The following SAP25 variants were observed in gnomAD, a reference collection of about 807,000 sequenced individuals.
SAP25 encodes the protein Sin3A associated protein 25, also known as histone deacetylase complex subunit SAP25.
A neutral mutation model predicts 31.5 loss-of-function variants in SAP25; 24 were observed. That is an observed-to-expected ratio of 0.76 (90% CI 0.55 to 1.07). The LOEUF (loss-of-function observed/expected upper bound fraction) is 1.07, where lower values mean the gene tolerates loss of function less well. Ranked by LOEUF, SAP25 falls within the 50% of genes least tolerant of loss-of-function variation. The probability of loss-of-function intolerance (pLI) is 0.00; values close to 1 mark genes in which losing one functional copy is unlikely to be tolerated. For missense variants in SAP25, 377 were observed against 418.8 expected (o/e 0.90, Z 0.87); for synonymous variants, 180 against 186.0 (o/e 0.97, Z 0.26).
Position 100,572,765 on chromosome 7 carries a change from C to G in SAP25, c.512-14G>C. 3 of 1,526,158 alleles carry G rather than the reference C, an allele frequency of 2.0e-6. No homozygotes were observed. Among genetic ancestry groups the G allele is most frequent in the Non-Finnish European group, 2.6e-6 (3 of 1,143,270 alleles). 94.5% of individuals were successfully genotyped at this position (1,526,158 alleles called of 1,614,324 possible). ...CCACCGGGAACCCTAGGAGGAAACA[C>G]CACTAGGGTGGCGGGCTGCGGGCTC... On this transcript the variant is annotated splice_polypyrimidine_tract_variant and intron_variant, in intron 4 of 5. Transcript: ENST00000622764. The surrounding 1 kb of genome is among the most constrained non-coding windows in gnomAD (Gnocchi z 4.1).
chr7:100,573,507 G>A (rs1562801781), intron 1 of SAP25, 90 bp downstream of exon 1: 8 of 1,216,862 alleles, frequency 6.6e-6, no homozygotes, highest in Non-Finnish European at 7.2e-6. Flanking sequence ...ATCTCCAGCA[G>A]GGACAATGGA....
intron 2 of SAP25, 24 bp from the exon 3 acceptor site, chr7:100,573,236 A>C: frequency 6.8e-7 from 1 of 1,462,410 alleles, no homozygotes; most frequent in Middle Eastern, 2.0e-4. Flanking sequence ...TGGGGATTAT[A>C]ACAGGCTCAC....
chr7:100,572,536 G>T lies in SAP25; in HGVS notation c.645C>A (p.Pro215=). Reference sequence around the variant, plus strand: ...GGGGGAGCACCCTGGCAGACATGATGGGGGGCGGCGGCAGCAGTTTCAGGG... The same window carrying T: ...GGGGGAGCACCCTGGCAGACATGATTGGGGGCGGCGGCAGCAGTTTCAGGG... ...MGSLKLLPPP[P]IMSARVLPRP... is the part of the protein sequence containing the mutation. Residue 215 remains proline (P), a synonymous_variant, in exon 6 of 6, where the codon CCC becomes CCA. Coordinates refer to ENST00000622764, the MANE Select transcript of SAP25 (RefSeq NM_001348680.2). The surrounding 1 kb of genome is among the most constrained non-coding windows in gnomAD (Gnocchi z 4.1). 9 of 1,438,786 alleles carry T rather than the reference G, an allele frequency of 6.3e-6. No individual in the cohort carries two copies. Among genetic ancestry groups the T allele is most frequent in the Non-Finnish European group, 8.2e-6 (9 of 1,099,800 alleles). 89.1% of individuals were successfully genotyped at this position (1,438,786 alleles called of 1,614,324 possible). A position where few individuals can be genotyped will look rare whatever the true frequency, so the allele number is the denominator to read the frequency against.
Position 100,572,740 on chromosome 7 carries a change from C to T in SAP25, c.523G>A (p.Val175Met), listed in dbSNP as rs777260933. 6.5e-7 allele frequency: 1 copy of T among 1,533,824 alleles called. No homozygotes were observed. The highest frequency in any genetic ancestry group is 8.7e-7 in the Non-Finnish European group (1 of 1,145,774). ...GAGAGGAAGACATCTTCACAGCACA[C>T]CACCGGGAACCCTAGGAGGAAACAC... ...QAPPDAGFPV[V>M]CCEDVFLSDP... The change falls in exon 5 of 6, where the codon GTG becomes ATG. Residue 175 changes from valine (V) to methionine (M), a missense_variant. Physicochemically the swap from Val to Met is conservative, Grantham distance 21. Coordinates refer to ENST00000622764, the MANE Select transcript of SAP25 (RefSeq NM_001348680.2). The surrounding 1 kb of genome is among the most constrained non-coding windows in gnomAD (Gnocchi z 4.1).
chr7:100,573,827 A>C lies in SAP25; in HGVS notation c.-85T>G, dbSNP rs1801236062. The C allele has an allele frequency of 9.1e-7, 1 of 1,104,420 alleles. No homozygotes were observed. The highest frequency in any genetic ancestry group is 1.1e-6 in the Non-Finnish European group (1 of 896,668). The allele number at this position is 1,104,420 out of a possible 1,614,324, so 68.4% of individuals were successfully genotyped here. A position where few individuals can be genotyped will look rare whatever the true frequency, so the allele number is the denominator to read the frequency against. ...CAGCCTCCCTCCGCGGCGCGGCGCG[A>C]ACGTGCCCTCCTGGCGAACCCACCC... On this transcript the variant is annotated 5_prime_UTR_variant, in exon 1 of 6. Coordinates refer to ENST00000622764, the MANE Select transcript of SAP25 (RefSeq NM_001348680.2).
In SAP25 at chr7:100,572,570, A is replaced by T; in HGVS notation, c.611T>A (p.Met204Lys). The change falls in exon 6 of 6, where the codon ATG becomes AAG. Residue 204 changes from methionine to lysine, a missense_variant and splice_region_variant. Transcript: ENST00000622764. The surrounding 1 kb of genome is among the most constrained non-coding windows in gnomAD (Gnocchi z 4.1). ...PLYLSKAPQQMMGSLKLLPPP... is the reference protein window; with the variant it reads ...PLYLSKAPQQKMGSLKLLPPP... The stretch of plus-strand genomic sequence containing the variant: ...CGGCAGCAGTTTCAGGGAGCCCATC[A>T]TCTGAGGAGAGAGAATGGAATGTGT... 1 of 1,457,414 alleles carries T rather than the reference A, an allele frequency of 6.9e-7. No homozygotes were observed. The highest frequency in any genetic ancestry group is 9.0e-7 in the Non-Finnish European group (1 of 1,108,558). The allele number at this position is 1,457,414 out of a possible 1,614,324, so 90.3% of individuals were successfully genotyped here. A position where few individuals can be genotyped will look rare whatever the true frequency, so the allele number is the denominator to read the frequency against.
rs148046169 is a variant in SAP25, at chr7:100,573,821, G to A, written c.-79C>T. 8.7e-5 allele frequency: 97 copies of A among 1,120,362 alleles called. No homozygotes were observed. Among genetic ancestry groups the A allele is most frequent in the Admixed American group, 1.4e-4 (3 of 20,698 alleles). 69.4% of individuals were successfully genotyped at this position (1,120,362 alleles called of 1,614,324 possible). A position where few individuals can be genotyped will look rare whatever the true frequency, so the allele number is the denominator to read the frequency against. On this transcript the variant is annotated 5_prime_UTR_variant, in exon 1 of 6. Transcript: ENST00000622764. Reference sequence around the variant, plus strand: ...CCCTCTCAGCCTCCCTCCGCGGCGCGGCGCGAACGTGCCCTCCTGGCGAAC... The same window carrying A: ...CCCTCTCAGCCTCCCTCCGCGGCGCAGCGCGAACGTGCCCTCCTGGCGAAC...
At position 100,573,280 on chromosome 7, in the gene SAP25, A is replaced by G. The variant is rs888271105; in HGVS notation, c.250+17T>C. Reference sequence around the variant, plus strand: ...AGAGGCTCTTAGGGGTAGTAGAGGCAGCAGGGCCTGTCCTACCTGGGGCTC... The same window carrying G: ...AGAGGCTCTTAGGGGTAGTAGAGGCGGCAGGGCCTGTCCTACCTGGGGCTC... On this transcript the variant is annotated intron_variant, in intron 2 of 5. Transcript: ENST00000622764. 4 of 1,417,682 alleles carry G rather than the reference A, an allele frequency of 2.8e-6. No homozygotes were observed. In the African/African-American group the frequency reaches 5.8e-5, roughly 20 times the overall value. 87.8% of individuals were successfully genotyped at this position (1,417,682 alleles called of 1,614,324 possible). A position where few individuals can be genotyped will look rare whatever the true frequency, so the allele number is the denominator to read the frequency against.
Position 100,573,010 on chromosome 7 carries a change from C to T in SAP25, c.361G>A (p.Ala121Thr), listed in dbSNP as rs1257001911. Reference protein sequence around the residue: ...AKAGPRPVWGANCSSGASFSG... With the variant: ...AKAGPRPVWGTNCSSGASFSG... ...AACGAGGCTCCTGAGCTACAGTTGG[C>T]CCCCTAGGGTGAGGAGGACAGAGCA... The change falls in exon 4 of 6, where the codon GCC becomes ACC. Residue 121 changes from alanine to threonine, a missense_variant. By Grantham distance (58) the Ala-to-Thr change is moderately conservative. Coordinates refer to ENST00000622764, the MANE Select transcript of SAP25 (RefSeq NM_001348680.2). The T allele has an allele frequency of 4.0e-6, 6 of 1,484,528 alleles. No homozygotes were observed. The highest frequency in any genetic ancestry group is 1.3e-5 in the South Asian group (1 of 77,004). The allele number at this position is 1,484,528 out of a possible 1,614,324, so 92.0% of individuals were successfully genotyped here.
Position 100,573,374 on chromosome 7 carries a change from G to GA in SAP25, c.172dup (p.Ser58PhefsTer20). 7.3e-7 allele frequency: 1 copy of GA among 1,373,658 alleles called. No individual in the cohort carries two copies. Among genetic ancestry groups the GA allele is most frequent in the South Asian group, 1.8e-5 (1 of 55,322 alleles). 85.1% of individuals were successfully genotyped at this position (1,373,658 alleles called of 1,614,324 possible). A position where few individuals can be genotyped will look rare whatever the true frequency, so the allele number is the denominator to read the frequency against. On this transcript the variant is annotated frameshift_variant, in exon 2 of 6. Coordinates refer to ENST00000622764, the MANE Select transcript of SAP25 (RefSeq NM_001348680.2). LOFTEE classifies it high-confidence loss of function. Reference sequence around the variant, plus strand: ...CAGCAGCTGCTCTCTCCAGATCCAGGAAGGGCTACGGGATGGGGGCTGTGG... The same window carrying GA: ...CAGCAGCTGCTCTCTCCAGATCCAGGAAAGGGCTACGGGATGGGGGCTGTGG...
Position 100,572,539 on chromosome 7 carries a change from G to A in SAP25, c.642C>T (p.Pro214=). 6.9e-7 allele frequency: 1 copy of A among 1,439,744 alleles called. No individual in the cohort carries two copies. The highest frequency in any genetic ancestry group is 9.1e-7 in the Non-Finnish European group (1 of 1,100,490). The allele number at this position is 1,439,744 out of a possible 1,614,324, so 89.2% of individuals were successfully genotyped here. A position where few individuals can be genotyped will look rare whatever the true frequency, so the allele number is the denominator to read the frequency against. ...GGAGCACCCTGGCAGACATGATGGG[G>A]GGCGGCGGCAGCAGTTTCAGGGAGC... ...MMGSLKLLPP[P]PIMSARVLPR... Residue 214 remains proline, a synonymous_variant, in exon 6 of 6, where the codon CCC becomes CCT. Coordinates refer to ENST00000622764, the MANE Select transcript of SAP25 (RefSeq NM_001348680.2). The surrounding 1 kb of genome is among the most constrained non-coding windows in gnomAD (Gnocchi z 4.1).
In SAP25 at chr7:100,572,918, G is replaced by C. The variant is rs1435004171; in HGVS notation, c.453C>G (p.Leu151=). The C allele has an allele frequency of 2.7e-6, 4 of 1,485,912 alleles. No individual in the cohort carries two copies. The highest frequency in any genetic ancestry group is 3.6e-6 in the Non-Finnish European group (4 of 1,121,250). 92.0% of individuals were successfully genotyped at this position (1,485,912 alleles called of 1,614,324 possible). ...GCCCTGTGGCAGGGGCCACGGGCCT[G>C]AGACCCCTGCCCGAGGCTGCTTCAT... is the stretch of plus-strand genomic sequence containing the variant. ...PLYEAASGRG[L]RPVAPATGHW... is the part of the protein sequence containing the mutation. Residue 151 remains leucine (L), a synonymous_variant, in exon 4 of 6, where the codon CTC becomes CTG. Transcript: ENST00000622764. This position sits in a 1 kb window ranked among gnomAD's most constrained non-coding sequence, Gnocchi z 4.1.
rs1176782197 is a variant in SAP25, at chr7:100,572,411, G to A, written c.770C>T (p.Pro257Leu). Reference protein sequence around the residue: ...LLQMSQGEPRPSSSAVGPPDH... With the variant: ...LLQMSQGEPRLSSSAVGPPDH... ...TGGGGGGCCAACCGCGGAGGAGCTG[G>A]GCCTAGGCTCCCCCTGGCTCATCTG... Residue 257 changes from proline to leucine, a missense_variant, in exon 6 of 6, where the codon CCC becomes CTC. Coordinates refer to ENST00000622764, the MANE Select transcript of SAP25 (RefSeq NM_001348680.2). The surrounding 1 kb of genome is among the most constrained non-coding windows in gnomAD (Gnocchi z 4.1). 3.5e-6 allele frequency: 5 copies of A among 1,410,674 alleles called. No individual in the cohort carries two copies. The highest frequency in any genetic ancestry group is 4.6e-6 in the Non-Finnish European group (5 of 1,085,738). 87.4% of individuals were successfully genotyped at this position (1,410,674 alleles called of 1,614,324 possible).
In SAP25 at chr7:100,573,148, C is replaced by T. The variant is rs1330338831; in HGVS notation, c.315G>A (p.Trp105Ter). 2.6e-6 allele frequency: 4 copies of T among 1,536,066 alleles called. No homozygotes were observed. The highest frequency in any genetic ancestry group is 2.6e-6 in the Non-Finnish European group (3 of 1,146,320). ...APSRMTPLAP[W>*]DPKYEAKAGP... ...CTGCTTTGGCTTCATACTTGGGGTC[C>T]CAGGGCGCTAGTGGAGTCATCCTCG... The change falls in exon 3 of 6, where the codon TGG (tryptophan) becomes TGA (stop). Residue 105 changes from tryptophan to a stop codon, truncating the protein, a stop_gained. Coordinates refer to ENST00000622764, the MANE Select transcript of SAP25 (RefSeq NM_001348680.2). LOFTEE classifies it high-confidence loss of function.
Position 100,572,487 on chromosome 7 carries a change from A to G in SAP25, c.694T>C (p.Ser232Pro). The G allele has an allele frequency of 2.8e-6, 4 of 1,427,106 alleles. No homozygotes were observed. The highest frequency in any genetic ancestry group is 3.7e-6 in the Non-Finnish European group (4 of 1,093,416). 88.4% of individuals were successfully genotyped at this position (1,427,106 alleles called of 1,614,324 possible). ...TCCGGCCCGCTGAGCCAGGCAGTGG[A>G]GGGGCCCCGGGAGGGTGATGGGCGG... is the stretch of plus-strand genomic sequence containing the variant. ...LPRPSPSRGPSTAWLSGPELI... is the reference protein window; with the variant it reads ...LPRPSPSRGPPTAWLSGPELI... The change falls in exon 6 of 6, where the codon TCC (serine) becomes CCC (proline). Residue 232 changes from serine to proline, a missense_variant. Coordinates refer to ENST00000622764, the MANE Select transcript of SAP25 (RefSeq NM_001348680.2). The surrounding 1 kb of genome is among the most constrained non-coding windows in gnomAD (Gnocchi z 4.1).
chr7:100,573,427 G>T, intron 1 of SAP25, 27 bp from the exon 2 acceptor site: 1 of 1,268,682 alleles, frequency 7.9e-7, no homozygotes, highest in Non-Finnish European at 1.0e-6. Context: ...TGAGGCTGCA[G>T]CCACACCGCC....
Position 100,572,488 on chromosome 7 carries a change from G to A in SAP25, c.693C>T (p.Pro231=). The change falls in exon 6 of 6, where the codon CCC becomes CCT. Residue 231 remains proline (P), a synonymous_variant. Transcript: ENST00000622764. The surrounding 1 kb of genome is among the most constrained non-coding windows in gnomAD (Gnocchi z 4.1). ...CCGGCCCGCTGAGCCAGGCAGTGGA[G>A]GGGCCCCGGGAGGGTGATGGGCGGG... ...VLPRPSPSRG[P]STAWLSGPEL... 2.1e-6 allele frequency: 3 copies of A among 1,430,138 alleles called. No individual in the cohort carries two copies. The highest frequency in any genetic ancestry group is 2.7e-6 in the Non-Finnish European group (3 of 1,094,938). The allele number at this position is 1,430,138 out of a possible 1,614,324, so 88.6% of individuals were successfully genotyped here.
chr7:100,572,970 A>G lies in SAP25; in HGVS notation c.401T>C (p.Leu134Pro). 1 of 1,510,206 alleles carries G rather than the reference A, an allele frequency of 6.6e-7. No individual in the cohort carries two copies. Among genetic ancestry groups the G allele is most frequent in the South Asian group, 1.2e-5 (1 of 80,850 alleles). 93.6% of individuals were successfully genotyped at this position (1,510,206 alleles called of 1,614,324 possible). ...CAGCGGCCAGAATGAGGGGTGACAC[A>G]GCGTCCGGCCTGAGAACGAGGCTCC... ...SSGASFSGRT[L>P]CHPSFWPLYE... Residue 134 changes from leucine (L) to proline (P), a missense_variant, in exon 4 of 6, where the codon CTG becomes CCG. Physicochemically the swap from Leu to Pro is moderately conservative, Grantham distance 98. Transcript: ENST00000622764. This position sits in a 1 kb window ranked among gnomAD's most constrained non-coding sequence, Gnocchi z 4.1.
rs1379802573 is a variant in SAP25 at position 100,572,904 on chromosome 7, G to A, written c.467C>T (p.Pro156Leu). 1 of 1,468,774 alleles carries A rather than the reference G, an allele frequency of 6.8e-7. No homozygotes were observed. Among genetic ancestry groups the A allele is most frequent in the East Asian group, 2.5e-5 (1 of 40,292 alleles). 91.0% of individuals were successfully genotyped at this position (1,468,774 alleles called of 1,614,324 possible). The change falls in exon 4 of 6, where the codon CCT (proline) becomes CTT (leucine). Residue 156 changes from proline (P) to leucine (L), a missense_variant. Physicochemically the swap from Pro to Leu is moderately conservative, Grantham distance 98. Transcript: ENST00000622764. This position sits in a 1 kb window ranked among gnomAD's most constrained non-coding sequence, Gnocchi z 4.1. ...CTGTCCATTCCAGTGCCCTGTGGCAGGGGCCACGGGCCTGAGACCCCTGCC... is the reference window on the plus strand; with the variant it reads ...CTGTCCATTCCAGTGCCCTGTGGCAAGGGCCACGGGCCTGAGACCCCTGCC... ...ASGRGLRPVA[P>L]ATGHWNGQQA...
Sources: allele counts gnomAD v4.1 joint callset, GRCh38; gene constraint gnomAD v4.1.1; non-coding constraint Gnocchi (gnomAD v3.1); transcripts MANE v1.5; gene names NCBI Gene and HGNC (gene_info 2026-07-23, HGNC 2026-07-21).